The following NUMB variants were observed in gnomAD, a reference collection of about 807,000 sequenced individuals.
The protein encoded by NUMB is protein numb homolog.
Under a neutral mutation model 59.7 loss-of-function variants are expected in NUMB, and 29 were observed. That is an observed-to-expected ratio of 0.49 (90% CI 0.36 to 0.66). The LOEUF (loss-of-function observed/expected upper bound fraction) is 0.66. Among genes scored for constraint, NUMB ranks in the 30% least tolerant of loss-of-function variants. The pLI is 0.00. For synonymous variants in NUMB, 288 were observed against 288.2 expected, an observed-to-expected ratio of 1.00 and a Z score of 0.01; for missense variants, 723 against 822.0, an observed-to-expected ratio of 0.88 and a Z score of 1.47.
At position 73,288,788 on chromosome 14, in the gene NUMB, G is replaced by A. The variant is rs1205694046; in HGVS notation, c.451-1474C>T. 4.0e-5 allele frequency among the ~76,000 whole-genome samples: 6 copies of A among 148,372 alleles called. No individual in the cohort carries two copies. The East Asian group carries it at 1.2e-3, about 30-fold the overall frequency. On this transcript the variant is annotated intron_variant, in intron 8 of 12. Transcript: ENST00000555238. Reference sequence around the variant, plus strand: ...GCAGGAGAATCACTTGAACCCAGGAGGTGGAGGTTGCAGTAAGCCACGATC... The same window carrying A: ...GCAGGAGAATCACTTGAACCCAGGAAGTGGAGGTTGCAGTAAGCCACGATC...
At chr14:73,414,121 A>G (rs1897019579) in intron 1 of NUMB, among the ~76,000 whole-genome samples, 1 of 151,766 alleles carries the variant, frequency 6.6e-6, no homozygotes, top group Non-Finnish European at 1.5e-5. Context: ...CACTCGGCTA[A>G]TATTTTTGTA....
At chr14:73,436,302 C>G (rs748449064) in intron 1 of NUMB, among the ~76,000 whole-genome samples, 93 of 151,986 alleles carry the variant, frequency 6.1e-4, no homozygotes, top group Admixed American at 4.6e-3. Flanking sequence ...ACAATAGAAA[C>G]TTTTGAAGGA....
chr14:73,428,807 G>C (rs1897697315), intron 1 of NUMB, among the ~76,000 whole-genome samples: 1 of 151,624 alleles, frequency 6.6e-6, no homozygotes, highest in African/African-American at 2.4e-5. Context: ...GTGAGACCCT[G>C]TCTCTACAAC....
At chr14:73,422,966 T>C (rs576817270) in intron 1 of NUMB, among the ~76,000 whole-genome samples, 55 of 152,260 alleles carry the variant, frequency 3.6e-4, no homozygotes, top group African/African-American at 1.3e-3. Context: ...CAAAGTGTTT[T>C]TGTTTAAATT....
intron 1 of NUMB, among the ~76,000 whole-genome samples, chr14:73,444,327 A>T (rs1299915388): frequency 6.8e-6 from 1 of 147,038 alleles, no homozygotes; most frequent in Non-Finnish European, 1.5e-5. Context: ...TGAACCCGGG[A>T]GGCGGAAGTT....
intron 4 of NUMB, among the ~76,000 whole-genome samples, chr14:73,332,485 C>G (rs1892039696): frequency 6.6e-6 from 1 of 151,880 alleles, no homozygotes. Context: ...AACTCCTGAC[C>G]TCAGATGATC....
chr14:73,321,082 C>A (rs1891377573), intron 5 of NUMB, among the ~76,000 whole-genome samples: 1 of 151,780 alleles, frequency 6.6e-6, no homozygotes, highest in Non-Finnish European at 1.5e-5. Context: ...CAAAGCTAGA[C>A]AGGTAAGAGG....
chr14:73,287,670 A>T (rs187093374), intron 8 of NUMB, among the ~76,000 whole-genome samples: 8 of 152,088 alleles, frequency 5.3e-5, no homozygotes, highest in African/African-American at 1.9e-4. Context: ...GAGCCACCAC[A>T]CTCGGCCCAA....
chr14:73,321,934 A>G (rs1456828576), intron 5 of NUMB, among the ~76,000 whole-genome samples: 1 of 152,170 alleles, frequency 6.6e-6, no homozygotes, highest in Non-Finnish European at 1.5e-5. Flanking sequence ...TTTATCCCAA[A>G]ATTAAATCTA....
At chr14:73,331,608 C>T (rs1276410401) in intron 4 of NUMB, among the ~76,000 whole-genome samples, 3 of 152,104 alleles carry the variant, frequency 2.0e-5, no homozygotes, top group Non-Finnish European at 4.4e-5. Context: ...TGTGTTCCCA[C>T]CCAAATCTCA....
chr14:73,316,347 G>C, intron 6 of NUMB, 43 bp downstream of exon 6: 1 of 1,578,960 alleles, frequency 6.3e-7, no homozygotes, highest in African/African-American at 1.3e-5. Context: ...CACTAGGGGT[G>C]TAACTCCTTA....
chr14:73,341,221 AAG>A (rs1258785599), intron 4 of NUMB, among the ~76,000 whole-genome samples: 2 of 152,224 alleles, frequency 1.3e-5, no homozygotes, highest in Non-Finnish European at 2.9e-5. Flanking sequence ...GTTTGAAGGT[AAG>A]AGAGTAAGGC....
At chr14:73,445,999 CTT>C (rs746539232) in intron 1 of NUMB, among the ~76,000 whole-genome samples, 20 of 139,802 alleles carry the variant, frequency 1.4e-4, no homozygotes, top group Admixed American at 1.4e-4. Context: ...ATAACTTTTT[CTT>C]TTTTTTTTTT....
At chr14:73,364,549 CAT>C (rs1042022156) in intron 3 of NUMB, among the ~76,000 whole-genome samples, 1 of 151,874 alleles carries the variant, frequency 6.6e-6, no homozygotes, top group East Asian at 1.9e-4. Flanking sequence ...AATACACATA[CAT>C]ATATATATAG....
intron 6 of NUMB, among the ~76,000 whole-genome samples, chr14:73,301,109 A>G (rs1890104580): frequency 6.6e-6 from 1 of 152,244 alleles, no homozygotes; most frequent in Admixed American, 6.5e-5. Context: ...CTTGAACAAC[A>G]TCTGGAACAG....
chr14:73,297,952 G>A (rs895083981), intron 6 of NUMB: 1 of 150,688 alleles, frequency 6.6e-6, no homozygotes, highest in Non-Finnish European at 1.5e-5. Flanking sequence ...GCAGTGATGC[G>A]ATATTGGCTC....
chr14:73,345,704 T>A (rs1217427888), intron 4 of NUMB, among the ~76,000 whole-genome samples: 2 of 151,912 alleles, frequency 1.3e-5, no homozygotes, highest in African/African-American at 2.4e-5. Context: ...GGTCAGGAGT[T>A]CGAGACCAGC....
At chr14:73,394,105 A>AT (rs1404057639) in intron 2 of NUMB, among the ~76,000 whole-genome samples, 1 of 152,032 alleles carries the variant, frequency 6.6e-6, no homozygotes, top group African/African-American at 2.4e-5. Flanking sequence ...AGCTGGGATT[A>AT]TGGGCATGCC....
chr14:73,352,393 T>C (rs1217890400), intron 4 of NUMB, among the ~76,000 whole-genome samples: 1 of 146,886 alleles, frequency 6.8e-6, no homozygotes, highest in Non-Finnish European at 1.5e-5. Context: ...CAGATTTCTT[T>C]TCTTAAAAGT....
Sources: allele counts gnomAD v4.1 joint callset (sites outside exome capture counted in the v4.1 genomes callset), GRCh38; gene constraint gnomAD v4.1.1; transcripts MANE v1.5; gene names NCBI Gene and HGNC (gene_info 2026-07-23, HGNC 2026-07-21).